The following UBE3C variants were observed in gnomAD, a reference collection of about 807,000 sequenced individuals.
The protein encoded by UBE3C is ubiquitin protein ligase E3C, also known as ubiquitin-protein ligase E3C.
Under a neutral mutation model 129.4 loss-of-function variants are expected in UBE3C, and 42 were observed. The observed-to-expected ratio is 0.32, with a 90% CI of 0.25 to 0.42. The LOEUF (loss-of-function observed/expected upper bound fraction) is 0.42, where lower values mean the gene tolerates loss of function less well. Among genes scored for constraint, UBE3C ranks in the 10% least tolerant of loss-of-function variants. The pLI, the probability that UBE3C is intolerant of heterozygous loss-of-function variation, is 1.00. For missense variants in UBE3C, 1,049 were observed against 1,319.1 expected (o/e 0.80, Z 3.17); for synonymous variants, 510 against 492.4 (o/e 1.04, Z -0.47).
chr7:157,140,836 G>A (rs1807424396), intron 1 of UBE3C, among the ~76,000 whole-genome samples: 1 of 152,224 alleles, frequency 6.6e-6, no homozygotes. Context: ...AGCACGAGCT[G>A]TGTAAAAGAA....
intron 6 of UBE3C, among the ~76,000 whole-genome samples, chr7:157,179,172 A>C (rs1209974136): frequency 1.3e-5 from 2 of 151,926 alleles, no homozygotes; most frequent in African/African-American, 4.8e-5. Context: ...CCGGTCCTTC[A>C]CCTGACCAGG....
At chr7:157,164,438 A>G (rs1025185127) in intron 2 of UBE3C, 1 of 456,590 alleles carries the variant, frequency 2.2e-6, no homozygotes, top group Non-Finnish European at 4.4e-6. Context: ...TACAGGCGTG[A>G]ACTGCCTCGT....
intron 9 of UBE3C, among the ~76,000 whole-genome samples, chr7:157,186,558 G>A (rs998603803): frequency 1.3e-5 from 2 of 152,014 alleles, no homozygotes; most frequent in African/African-American, 4.8e-5. Context: ...AAAAAAGTAG[G>A]AAATGAAGTT....
Position 157,239,542 on chromosome 7 carries a change from G to A in UBE3C, c.2481+8215G>A, listed in dbSNP as rs1796242733. 2.6e-5 allele frequency among the ~76,000 whole-genome samples: 4 copies of A among 152,172 alleles called. No homozygotes were observed. The South Asian group carries it at 8.3e-4, about 32-fold the overall frequency. ...TGTGTTCACTGGGTAAAAATGGATG[G>A]AACCACAGGCTTGTGATTAGGGCAC... On this transcript the variant is annotated intron_variant, in intron 18 of 22. Coordinates refer to ENST00000348165, the MANE Select transcript of UBE3C (RefSeq NM_014671.3).
chr7:157,169,158 A>T (rs757194277), intron 3 of UBE3C, 36 bp downstream of exon 3: 2 of 1,537,968 alleles, frequency 1.3e-6, no homozygotes, highest in South Asian at 2.2e-5. Context: ...TTAGTAGGGC[A>T]TGGGAGAGCT....
intron 10 of UBE3C, chr7:157,192,899 AT>A: frequency 1.3e-6 from 1 of 769,778 alleles, no homozygotes; most frequent in South Asian, 1.6e-5. Context: ...CAAAGAAGAC[AT>A]TTGAGGTAGT....
intron 10 of UBE3C, among the ~76,000 whole-genome samples, chr7:157,198,919 A>C (rs998631857): frequency 1.3e-5 from 2 of 152,232 alleles, no homozygotes; most frequent in Non-Finnish European, 2.9e-5. Context: ...CTTGAAATAC[A>C]AATTTTAAAA....
intron 2 of UBE3C, among the ~76,000 whole-genome samples, chr7:157,167,362 G>A (rs986497391): frequency 4.6e-5 from 7 of 152,204 alleles, no homozygotes; most frequent in Non-Finnish European, 1.0e-4. Context: ...ATGAAACAAG[G>A]TAGTATGGTG....
intron 18 of UBE3C, among the ~76,000 whole-genome samples, chr7:157,244,348 T>G (rs1796421563): frequency 6.6e-6 from 1 of 152,276 alleles, no homozygotes; most frequent in Admixed American, 6.5e-5. Context: ...CAATTCCAAC[T>G]TACTAATTCT....
chr7:157,171,503 T>C (rs1403643479), intron 4 of UBE3C, among the ~76,000 whole-genome samples: 6 of 151,792 alleles, frequency 4.0e-5, no homozygotes, highest in Non-Finnish European at 7.4e-5. Flanking sequence ...GTTGATCTTA[T>C]CAGTGCTGAG....
At chr7:157,264,346 C>T (rs147074241) in intron 22 of UBE3C, among the ~76,000 whole-genome samples, 5 of 145,208 alleles carry the variant, frequency 3.4e-5, no homozygotes, top group African/African-American at 1.3e-4. Context: ...AGCCAACATG[C>T]TCGGCCTGTT....
chr7:157,187,052 G>T, intron 10 of UBE3C, 31 bp downstream of exon 10: 2 of 1,554,550 alleles, frequency 1.3e-6, no homozygotes, highest in Non-Finnish European at 8.7e-7. Context: ...GTGCCAGGGG[G>T]TGCCAGCCAG....
At chr7:157,216,423 G>C (rs956975554) in intron 13 of UBE3C, among the ~76,000 whole-genome samples, 1 of 151,164 alleles carries the variant, frequency 6.6e-6, no homozygotes, top group African/African-American at 2.4e-5. Context: ...ACATGTCATC[G>C]GAGTTTGTTG....
chr7:157,232,351 AGTTTGTTT>A (rs371024243), intron 18 of UBE3C, among the ~76,000 whole-genome samples: 3 of 151,960 alleles, frequency 2.0e-5, no homozygotes, highest in African/African-American at 4.8e-5. Context: ...AATTGTTATT[AGTTTGTTT>A]GTTTGTTTGT....
At chr7:157,231,497 G>C in intron 18 of UBE3C, 170 bp downstream of exon 18, 2 of 949,152 alleles carry the variant, frequency 2.1e-6, no homozygotes, top group South Asian at 1.7e-5. Flanking sequence ...GTAAGTAGGT[G>C]CTATGGTTTG....
chr7:157,166,467 G>T (rs73492566), intron 2 of UBE3C, among the ~76,000 whole-genome samples: 1 of 152,014 alleles, frequency 6.6e-6, no homozygotes, highest in Admixed American at 6.6e-5. Context: ...AGGGCTGGGC[G>T]CGATGGCTCA....
chr7:157,223,473 C>A, intron 16 of UBE3C, 122 bp downstream of exon 16: 1 of 755,436 alleles, frequency 1.3e-6, no homozygotes, highest in South Asian at 2.2e-5. Flanking sequence ...ACATACTTTT[C>A]TCATTAGGCT....
At chr7:157,204,278 A>G (rs1412357866) in intron 11 of UBE3C, among the ~76,000 whole-genome samples, 1 of 152,018 alleles carries the variant, frequency 6.6e-6, no homozygotes, top group Non-Finnish European at 1.5e-5. Flanking sequence ...TTGCATTGCT[A>G]GGACTTACAG....
chr7:157,160,913 T>G lies in UBE3C; in HGVS notation c.67-2897T>G, dbSNP rs539020688. Among the ~76,000 whole-genome samples, 4 of 152,354 alleles carry G rather than the reference T, an allele frequency of 2.6e-5. No individual in the cohort carries two copies. In the South Asian group the frequency reaches 8.3e-4, roughly 32 times the overall value. On this transcript the variant is annotated intron_variant, in intron 1 of 22. Coordinates refer to ENST00000348165, the MANE Select transcript of UBE3C (RefSeq NM_014671.3). ...AGTCCATGATGCGTGTTTGTGCGTA[T>G]AATCCTATGGATTAAAATCTAATGC...
Sources: allele counts gnomAD v4.1 joint callset (sites outside exome capture counted in the v4.1 genomes callset), GRCh38; gene constraint gnomAD v4.1.1; transcripts MANE v1.5; gene names NCBI Gene and HGNC (gene_info 2026-07-23, HGNC 2026-07-21).